UBN1: variants seen among roughly 807,000 people sequenced by gnomAD.
The protein encoded by UBN1 is ubinuclein-1.
UBN1 carries 17 observed loss-of-function variants against 108.5 expected under a neutral mutation model. The ratio of observed to expected loss-of-function variants is 0.16; its 90% CI spans 0.11 to 0.24. The LOEUF is 0.24. UBN1 is among the 10% of genes least tolerant of loss of function. The pLI is 1.00. For synonymous variants in UBN1, 726 were observed against 564.2 expected (o/e 1.29, Z -4.07); for missense variants, 1,595 against 1,394.4 (o/e 1.14, Z -2.29).
chr16:4,852,799 A>C, intron 1 of UBN1, 80 bp from the exon 2 acceptor site: 4 of 1,345,124 alleles, frequency 3.0e-6, no homozygotes, highest in Non-Finnish European at 4.0e-6. Context: ...AAATTCTCTT[A>C]AACTTAAATC....
Position 4,877,011 on chromosome 16 carries a change from G to T in UBN1, c.3165G>T (p.Val1055=). 6.2e-7 allele frequency: 1 copy of T among 1,614,192 alleles called. No individual in the cohort carries two copies. The highest frequency in any genetic ancestry group is 1.1e-5 in the South Asian group (1 of 91,084). ...CCCCTGTCCCTATTCCTGTCCATGT[G>T]CTCTCCTTCAGCGCTGACTCCTCTG... is the stretch of plus-strand genomic sequence containing the variant. ...IITPVPIPVH[V]LSFSADSSAK... The change falls in exon 16 of 18, where the codon GTG becomes GTT. Residue 1055 remains valine (V), a synonymous_variant. Coordinates refer to ENST00000262376, the MANE Select transcript of UBN1 (RefSeq NM_001079514.3). The surrounding 1 kb of genome is among the most constrained non-coding windows in gnomAD (Gnocchi z 4.3).
intron 7 of UBN1, 98 bp from the exon 8 acceptor site, chr16:4,868,735 G>A: frequency 8.5e-7 from 1 of 1,181,372 alleles, no homozygotes; most frequent in Non-Finnish European, 1.2e-6. Context: ...GTATTGACAG[G>A]TGCTCTTTAT....
intron 12 of UBN1, 139 bp downstream of exon 12, chr16:4,871,440 GGGGACATGCAGGTAGCT>G (rs769511815): frequency 1.1e-5 from 14 of 1,248,448 alleles, no homozygotes; most frequent in Non-Finnish European, 1.5e-5. Flanking sequence ...TGAGTAACTG[GGGGACATGCAGGTAGCT>G]GGGAAAGGGT....
At chr16:4,849,392 G>GT (rs2086417392) in intron 1 of UBN1, among the ~76,000 whole-genome samples, 1 of 152,000 alleles carries the variant, frequency 6.6e-6, no homozygotes, top group Non-Finnish European at 1.5e-5. Flanking sequence ...AATTCAGGAA[G>GT]GGTACTCATT....
Position 4,847,930 on chromosome 16 carries a change from C to T in UBN1, c.-320C>T, listed in dbSNP as rs1011619328. 1 of 152,786 alleles carries T rather than the reference C, an allele frequency of 6.5e-6. No individual in the cohort carries two copies. The highest frequency in any genetic ancestry group is 2.4e-5 in the African/African-American group (1 of 41,466). 9.5% of individuals were successfully genotyped at this position (152,786 alleles called of 1,614,324 possible). On this transcript the variant is annotated 5_prime_UTR_variant, in exon 1 of 18. Transcript: ENST00000262376. Reference sequence around the variant, plus strand: ...CGCGGGGTCCCGCGCCGCAAGTTCTCCTGGGGCGACCGGAGGCTGCTCCCC... The same window carrying T: ...CGCGGGGTCCCGCGCCGCAAGTTCTTCTGGGGCGACCGGAGGCTGCTCCCC...
chr16:4,855,333 G>C (rs559668664), intron 2 of UBN1, among the ~76,000 whole-genome samples: 1 of 152,006 alleles, frequency 6.6e-6, no homozygotes. Context: ...GTGTTTTCTT[G>C]GCCTGGCATA....
chr16:4,875,526 T>C, intron 15 of UBN1, 92 bp downstream of exon 15: 28 of 1,486,072 alleles, frequency 1.9e-5, no homozygotes, highest in Non-Finnish European at 2.0e-5. Context: ...GAGTGAGATC[T>C]AAAACCACAG....
At position 4,847,505 on chromosome 16, in the gene UBN1, C is replaced by A. The variant is rs1410250869; in HGVS notation, c.-745C>A. 5 of 537,112 alleles carry A rather than the reference C, an allele frequency of 9.3e-6. No homozygotes were observed. The highest frequency in any genetic ancestry group is 3.7e-5 in the East Asian group (1 of 27,382). 33.3% of individuals were successfully genotyped at this position (537,112 alleles called of 1,614,324 possible). A position where few individuals can be genotyped will look rare whatever the true frequency, so the allele number is the denominator to read the frequency against. ...CGGCTCCTTCCCCCTCCCTTCGGCT[C>A]GTGACAACGAAGCGCCCGCGGTCTG... On this transcript the variant is annotated 5_prime_UTR_variant, in exon 1 of 18. Transcript: ENST00000262376.
At chr16:4,869,595 A>G (rs17771410) in intron 8 of UBN1, among the ~76,000 whole-genome samples, 29,818 of 152,160 alleles carry the variant, frequency 0.2, 3,014 homozygotes, top group South Asian at 0.3. Flanking sequence ...GTGTTCTACC[A>G]CATGGCCTCG....
intron 1 of UBN1, among the ~76,000 whole-genome samples, chr16:4,850,749 T>C (rs941930236): frequency 1.3e-5 from 2 of 152,238 alleles, no homozygotes; most frequent in Non-Finnish European, 2.9e-5. Flanking sequence ...CAAATGAATA[T>C]TGGATATATA....
In UBN1 at chr16:4,874,583, G is replaced by T; in HGVS notation, c.2173G>T (p.Ala725Ser). 1 of 1,614,230 alleles carries T rather than the reference G, an allele frequency of 6.2e-7. No homozygotes were observed. Among genetic ancestry groups the T allele is most frequent in the Non-Finnish European group, 8.5e-7 (1 of 1,180,044 alleles). ...KRNFAKPSPS[A>S]PPPASSLQSP... ...GAACTTTGCGAAGCCTAGTCCTTCT[G>T]CTCCACCACCAGCTAGCTCTCTGCA... is the stretch of plus-strand genomic sequence containing the variant. The change falls in exon 15 of 18, where the codon GCT becomes TCT. Residue 725 changes from alanine (A) to serine (S), a missense_variant. Transcript: ENST00000262376.
chr16:4,881,832 G>A lies in UBN1; in HGVS notation c.*1700G>A, dbSNP rs1276103953. On this transcript the variant is annotated 3_prime_UTR_variant, in exon 18 of 18. Transcript: ENST00000262376. The stretch of plus-strand genomic sequence containing the variant: ...AAGAGCCAAAGAAGAGATTTGTATT[G>A]CTGAGCTCAAAGCCAAGCAGAGGCC... 6.6e-6 allele frequency: 1 copy of A among 152,156 alleles called. No individual in the cohort carries two copies. The highest frequency in any genetic ancestry group is 1.5e-5 in the Non-Finnish European group (1 of 68,002). 9.4% of individuals were successfully genotyped at this position (152,156 alleles called of 1,614,324 possible). A position where few individuals can be genotyped will look rare whatever the true frequency, so the allele number is the denominator to read the frequency against.
chr16:4,848,745 G>C (rs754800029), intron 1 of UBN1, among the ~76,000 whole-genome samples: 2 of 152,182 alleles, frequency 1.3e-5, no homozygotes, highest in Admixed American at 1.3e-4. Flanking sequence ...TTTAACATAA[G>C]TTCCTGTTTA....
chr16:4,851,741 T>C (rs957334607), intron 1 of UBN1, among the ~76,000 whole-genome samples: 2 of 152,006 alleles, frequency 1.3e-5, no homozygotes, highest in Non-Finnish European at 2.9e-5. Flanking sequence ...GAGGTTTGCT[T>C]GAGCCTGGGA....
rs138988269 is a variant in UBN1, at chr16:4,859,057, G to A, written c.465G>A (p.Thr155=). 3.7e-6 allele frequency: 6 copies of A among 1,614,110 alleles called. No homozygotes were observed. The highest frequency in any genetic ancestry group is 2.2e-5 in the East Asian group (1 of 44,886). Reference sequence around the variant, plus strand: ...AGCTTGTTCCTGCTTCTTTGACTACGAAGTATGGAGGATTTTACATTAACT... The same window carrying A: ...AGCTTGTTCCTGCTTCTTTGACTACAAAGTATGGAGGATTTTACATTAACT... The part of the protein sequence containing the change: ...YDELVPASLT[T]KYGGFYINSG... Residue 155 remains threonine (T), a synonymous_variant, in exon 5 of 18, where the codon ACG becomes ACA. Transcript: ENST00000262376.
rs1291118174 is a variant in UBN1, at chr16:4,877,266, G to C, written c.3266-119G>C. The C allele has an allele frequency of 6.6e-7, 1 of 1,514,704 alleles. No homozygotes were observed. Among genetic ancestry groups the C allele is most frequent in the South Asian group, 1.3e-5 (1 of 78,156 alleles). 93.8% of individuals were successfully genotyped at this position (1,514,704 alleles called of 1,614,324 possible). On this transcript the variant is annotated intron_variant, in intron 16 of 17. Coordinates refer to ENST00000262376, the MANE Select transcript of UBN1 (RefSeq NM_001079514.3). This position sits in a 1 kb window ranked among gnomAD's most constrained non-coding sequence, Gnocchi z 4.3. ...TGCCAAGCCCCCACTGCCCCTTTGGGTGTGGTGCCCAGACTGGCCTGGCAG... is the reference window on the plus strand; with the variant it reads ...TGCCAAGCCCCCACTGCCCCTTTGGCTGTGGTGCCCAGACTGGCCTGGCAG...
chr16:4,860,511 C>G (rs1300583236), intron 6 of UBN1, among the ~76,000 whole-genome samples, 153 bp from the exon 7 acceptor site: 3 of 152,168 alleles, frequency 2.0e-5, no homozygotes, highest in African/African-American at 7.2e-5. Context: ...CAAGAACGAG[C>G]TCCATATGCC....
rs146122632 is a variant in UBN1, at chr16:4,871,821, T to C, written c.1706+520T>C. On this transcript the variant is annotated intron_variant, in intron 12 of 17. Transcript: ENST00000262376. Reference sequence around the variant, plus strand: ...CAGGATGGTCTCAATCTCCTGACCTTGTGATCTGCCCACCTTGGCCTCCCT... The same window carrying C: ...CAGGATGGTCTCAATCTCCTGACCTCGTGATCTGCCCACCTTGGCCTCCCT... Among the ~76,000 whole-genome samples, 1,203 of 152,138 alleles carry C rather than the reference T, an allele frequency of 7.9e-3. 6 individuals carry two copies. The highest frequency in any genetic ancestry group is 0.013 in the African/African-American group (548 of 41,524).
At position 4,875,209 on chromosome 16, in the gene UBN1, G is replaced by A. The variant is rs1228713110; in HGVS notation, c.2799G>A (p.Leu933=). 1 of 1,614,122 alleles carries A rather than the reference G, an allele frequency of 6.2e-7. No individual in the cohort carries two copies. The highest frequency in any genetic ancestry group is 8.5e-7 in the Non-Finnish European group (1 of 1,180,056). The stretch of plus-strand genomic sequence containing the variant: ...TCCAGAGTTCTGTTTCTGGGAGCCT[G>A]GTCCCTGGCATACAGCCTCCCTCCG... ...TPVQSSVSGS[L]VPGIQPPSVG... The change falls in exon 15 of 18, where the codon CTG becomes CTA. Residue 933 remains leucine (L), a synonymous_variant. Coordinates refer to ENST00000262376, the MANE Select transcript of UBN1 (RefSeq NM_001079514.3).
Sources: allele counts gnomAD v4.1 joint callset (sites outside exome capture counted in the v4.1 genomes callset), GRCh38; gene constraint gnomAD v4.1.1; non-coding constraint Gnocchi (gnomAD v3.1); transcripts MANE v1.5; gene names NCBI Gene and HGNC (gene_info 2026-07-23, HGNC 2026-07-21).